Variants in KCNQ1 observed in about 807,000 individuals in gnomAD.
KCNQ1 encodes the protein potassium voltage-gated channel subfamily Q member 1.
A neutral mutation model predicts 72.4 loss-of-function variants in KCNQ1; 49 were observed. That is an observed-to-expected ratio of 0.68 (90% confidence interval 0.54 to 0.86). The LOEUF (loss-of-function observed/expected upper bound fraction) is 0.86, where lower values mean the gene tolerates loss of function less well. Among genes scored for constraint, KCNQ1 ranks in the 40% least tolerant of loss-of-function variants. KCNQ1 has a pLI of 0.00. For synonymous variants in KCNQ1, 450 were observed against 412.6 expected, an observed-to-expected ratio of 1.09 and a Z score of -1.10; for missense variants, 790 against 945.1, an observed-to-expected ratio of 0.84 and a Z score of 2.15.
rs190609502 is a variant in KCNQ1, at chr11:2,659,829, A to G, written c.1394-2132A>G. 2.5e-5 allele frequency: 10 copies of G among 398,250 alleles called. No homozygotes were observed. In the Admixed American group the frequency reaches 2.6e-4, roughly 11 times the overall value. The allele number at this position is 398,250 out of a possible 1,614,324, so 24.7% of individuals were successfully genotyped here. On this transcript the variant is annotated intron_variant, in intron 10 of 15. Coordinates refer to ENST00000155840, the MANE Select transcript of KCNQ1 (RefSeq NM_000218.3). This position sits in a 1 kb window ranked among gnomAD's most constrained non-coding sequence, Gnocchi z 4.3. ...TTGTGATTCTAATTTGCATTTCCAT[A>G]TTTATGTTAATTATGTATCTTTTCA...
rs1052849113 is a variant in KCNQ1 at position 2,447,103 on chromosome 11, G to A, written c.386+1619G>A. On this transcript the variant is annotated intron_variant, in intron 1 of 15. Transcript: ENST00000155840. This position sits in a 1 kb window ranked among gnomAD's most constrained non-coding sequence, Gnocchi z 7.6. ...TTCAGGTTTGTGGACACATGCCTCC[G>A]GGCTCACTGCAGCCACCCGTGTGGA... is the stretch of plus-strand genomic sequence containing the variant. Among the ~76,000 whole-genome samples, 4 of 152,196 alleles carry A rather than the reference G, an allele frequency of 2.6e-5. No homozygotes were observed. Among genetic ancestry groups the A allele is most frequent in the African/African-American group, 4.8e-5 (2 of 41,434 alleles).
rs1848723772 is a variant in KCNQ1 at position 2,595,666 on chromosome 11, C to T, written c.1393+6812C>T. On this transcript the variant is annotated intron_variant, in intron 10 of 15. Transcript: ENST00000155840. The surrounding 1 kb of genome is among the most constrained non-coding windows in gnomAD (Gnocchi z 5.0). ...ATGTTACTGCTCATTGACAGTGCAC[C>T]TGGTCATCCAAGACCTCTGATGGAG... 6.6e-6 allele frequency among the ~76,000 whole-genome samples: 1 copy of T among 151,190 alleles called. No homozygotes were observed. The highest frequency in any genetic ancestry group is 6.6e-5 in the Admixed American group (1 of 15,214).
intron 7 of KCNQ1, among the ~76,000 whole-genome samples, chr11:2,583,826 C>T (rs1448832459): frequency 6.6e-6 from 1 of 152,200 alleles, no homozygotes; most frequent in Non-Finnish European, 1.5e-5. Context: ...TCACTCAGCC[C>T]TGGGTGGGTG....
At position 2,595,570 on chromosome 11, in the gene KCNQ1, CA is replaced by C. The variant is rs548624194; in HGVS notation, c.1393+6718del. Among the ~76,000 whole-genome samples, 186 of 152,304 alleles carry C rather than the reference CA, an allele frequency of 1.2e-3. 2 individuals carry two copies. The highest frequency in any genetic ancestry group is 3.5e-3 in the South Asian group (17 of 4,822). ...AGCCCGATGACAGTACATCTGTTGACAACATGGTTTACTGAATATGTTGAGC... is the reference window on the plus strand; with the variant it reads ...AGCCCGATGACAGTACATCTGTTGACACATGGTTTACTGAATATGTTGAGC... On this transcript the variant is annotated intron_variant, in intron 10 of 15. Coordinates refer to ENST00000155840, the MANE Select transcript of KCNQ1 (RefSeq NM_000218.3). The surrounding 1 kb of genome is among the most constrained non-coding windows in gnomAD (Gnocchi z 5.0).
chr11:2,534,604 C>T (rs978976447), intron 2 of KCNQ1, among the ~76,000 whole-genome samples: 1 of 152,218 alleles, frequency 6.6e-6, no homozygotes, highest in Non-Finnish European at 1.5e-5. Context: ...GACTGGTTGC[C>T]CAGGGACGGG....
chr11:2,697,165 T>G, intron 11 of KCNQ1: 3 of 398,658 alleles, frequency 7.5e-6, no homozygotes. Context: ...TATGTGCTTG[T>G]ATAGTTCTGC....
At chr11:2,485,274 C>T (rs73419519) in intron 1 of KCNQ1, among the ~76,000 whole-genome samples, 33,430 of 151,652 alleles carry the variant, frequency 0.22, 4,486 homozygotes, top group African/African-American at 0.38. Flanking sequence ...TGTAAAGCTG[C>T]TGTGACTCCT....
In KCNQ1 at chr11:2,848,765, T is replaced by G. The variant is rs1848396534; in HGVS notation, c.*762T>G. The G allele has an allele frequency of 2.2e-6, 1 of 453,962 alleles. No individual in the cohort carries two copies. Among genetic ancestry groups the G allele is most frequent in the Middle Eastern group, 6.9e-4 (1 of 1,444 alleles). 28.1% of individuals were successfully genotyped at this position (453,962 alleles called of 1,614,324 possible). A position where few individuals can be genotyped will look rare whatever the true frequency, so the allele number is the denominator to read the frequency against. On this transcript the variant is annotated 3_prime_UTR_variant, in exon 16 of 16. Coordinates refer to ENST00000155840, the MANE Select transcript of KCNQ1 (RefSeq NM_000218.3). Reference sequence around the variant, plus strand: ...CTCCCGCCTCCAACCCCTCGCCCAGTCCCAGCAGCCAGCCAAACACACAGA... The same window carrying G: ...CTCCCGCCTCCAACCCCTCGCCCAGGCCCAGCAGCCAGCCAAACACACAGA...
chr11:2,556,345 C>T (rs182170956), intron 2 of KCNQ1, among the ~76,000 whole-genome samples: 166 of 152,260 alleles, frequency 1.1e-3, no homozygotes, highest in Non-Finnish European at 2.0e-3. Context: ...TATGAATTTG[C>T]GGGGCGGGGG....
rs1015123305 is a variant in KCNQ1, at chr11:2,592,978, G to A, written c.1393+4124G>A. Among the ~76,000 whole-genome samples, 1 of 152,188 alleles carries A rather than the reference G, an allele frequency of 6.6e-6. No individual in the cohort carries two copies. Among genetic ancestry groups the A allele is most frequent in the Admixed American group, 6.5e-5 (1 of 15,284 alleles). On this transcript the variant is annotated intron_variant, in intron 10 of 15. Transcript: ENST00000155840. This position sits in a 1 kb window ranked among gnomAD's most constrained non-coding sequence, Gnocchi z 5.2. ...CCTGGATCCCAGGAGTCCTGAAGGA[G>A]CCGCCTCCATCCTGAGCTGCCTACC... is the stretch of plus-strand genomic sequence containing the variant.
At chr11:2,518,030 C>A (rs1344265993) in intron 1 of KCNQ1, among the ~76,000 whole-genome samples, 1 of 152,272 alleles carries the variant, frequency 6.6e-6, no homozygotes, top group African/African-American at 2.4e-5. Flanking sequence ...GGAGGCGGCA[C>A]TGAGACTTCA....
At chr11:2,610,462 T>C (rs117084069) in intron 10 of KCNQ1, 1 of 398,266 alleles carries the variant, frequency 2.5e-6, no homozygotes, top group African/African-American at 2.1e-5. Context: ...TTTTTGGTTT[T>C]TATGGATTTG....
Position 2,466,626 on chromosome 11 carries a change from A to G in KCNQ1, c.386+21142A>G, listed in dbSNP as rs542423608. 3.9e-5 allele frequency among the ~76,000 whole-genome samples: 6 copies of G among 152,278 alleles called. No homozygotes were observed. In the East Asian group the frequency reaches 1.2e-3, roughly 29 times the overall value. On this transcript the variant is annotated intron_variant, in intron 1 of 15. Transcript: ENST00000155840. Reference sequence around the variant, plus strand: ...CCGGGGGCACAGCCATCAGCAGGCCAGAAGTCCTCAGGAGAGCTTGCTGCC... The same window carrying G: ...CCGGGGGCACAGCCATCAGCAGGCCGGAAGTCCTCAGGAGAGCTTGCTGCC...
Position 2,516,014 on chromosome 11 carries a change from G to C in KCNQ1, c.387-11914G>C, listed in dbSNP as rs1470208554. ...GGCATCCCACAGCTCTCCTCACTGA[G>C]CCCCTGGGCCTATCCGCCCACGCCC... On this transcript the variant is annotated intron_variant, in intron 1 of 15. Transcript: ENST00000155840. This position sits in a 1 kb window ranked among gnomAD's most constrained non-coding sequence, Gnocchi z 7.0. 6.6e-6 allele frequency among the ~76,000 whole-genome samples: 1 copy of C among 151,966 alleles called. No individual in the cohort carries two copies. Among genetic ancestry groups the C allele is most frequent in the Admixed American group, 6.6e-5 (1 of 15,262 alleles).
chr11:2,665,968 C>T (rs1850059717), intron 11 of KCNQ1: 1 of 398,532 alleles, frequency 2.5e-6, no homozygotes, highest in Non-Finnish European at 4.4e-6. Context: ...ACTGCATCCC[C>T]AACTGCCAAG....
rs1849896955 is a variant in KCNQ1, at chr11:2,658,723, C to G, written c.1394-3238C>G. 2.5e-6 allele frequency: 1 copy of G among 398,466 alleles called. No homozygotes were observed. Among genetic ancestry groups the G allele is most frequent in the Non-Finnish European group, 4.4e-6 (1 of 226,054 alleles). 24.7% of individuals were successfully genotyped at this position (398,466 alleles called of 1,614,324 possible). A position where few individuals can be genotyped will look rare whatever the true frequency, so the allele number is the denominator to read the frequency against. Reference sequence around the variant, plus strand: ...GTATGTAACCTGAGTACACATACATCTTTACATATCTGTATCTATATAAAG... The same window carrying G: ...GTATGTAACCTGAGTACACATACATGTTTACATATCTGTATCTATATAAAG... On this transcript the variant is annotated intron_variant, in intron 10 of 15. Transcript: ENST00000155840. This position sits in a 1 kb window ranked among gnomAD's most constrained non-coding sequence, Gnocchi z 4.9.
chr11:2,796,193 G>A lies in KCNQ1; in HGVS notation c.1794+18156G>A, dbSNP rs148273709. Among the ~76,000 whole-genome samples, 75 of 152,234 alleles carry A rather than the reference G, an allele frequency of 4.9e-4. No homozygotes were observed. In the East Asian group the frequency reaches 0.013, roughly 26 times the overall value. On this transcript the variant is annotated intron_variant, in intron 15 of 15. Coordinates refer to ENST00000155840, the MANE Select transcript of KCNQ1 (RefSeq NM_000218.3). Reference sequence around the variant, plus strand: ...ATACCAAAATACACAGGGACTATTCGGACACCACCTGAAATCATTCCATGT... The same window carrying A: ...ATACCAAAATACACAGGGACTATTCAGACACCACCTGAAATCATTCCATGT...
At position 2,486,909 on chromosome 11, in the gene KCNQ1, T is replaced by C. The variant is rs2188956; in HGVS notation, c.387-41019T>C. Reference sequence around the variant, plus strand: ...CAACATGAGAGTTGGAGGGGACAAATATCTGAACTCTATCAATGTTATATC... The same window carrying C: ...CAACATGAGAGTTGGAGGGGACAAACATCTGAACTCTATCAATGTTATATC... On this transcript the variant is annotated intron_variant, in intron 1 of 15. Transcript: ENST00000155840. This position sits in a 1 kb window ranked among gnomAD's most constrained non-coding sequence, Gnocchi z 5.0. 0.55 allele frequency among the ~76,000 whole-genome samples: 83,781 copies of C among 151,990 alleles called. 24,179 individuals carry two copies. Among genetic ancestry groups the C allele is most frequent in the Non-Finnish European group, 0.64 (43,518 of 67,968 alleles).
At chr11:2,506,088 G>A (rs1036708620) in intron 1 of KCNQ1, among the ~76,000 whole-genome samples, 19 of 152,186 alleles carry the variant, frequency 1.2e-4, no homozygotes, top group African/African-American at 9.7e-5. Flanking sequence ...GCACTCCTAC[G>A]TTTACTGCGG....
Sources: gnomAD v4.1 joint callset for allele counts (sites outside exome capture counted in the v4.1 genomes callset) on GRCh38, gnomAD v4.1.1 for gene constraint, Gnocchi (gnomAD v3.1) non-coding constraint, MANE v1.5 for transcripts, NCBI Gene and HGNC (gene_info 2026-07-23, HGNC 2026-07-21) for gene names.